The following ADAM23 variants were observed in gnomAD, a reference collection of about 807,000 sequenced individuals.
ADAM23 encodes the protein disintegrin and metalloproteinase domain-containing protein 23.
A neutral mutation model predicts 120.1 loss-of-function variants in ADAM23; 33 were observed. The observed-to-expected ratio is 0.27, with a 90% CI of 0.21 to 0.37. The LOEUF (loss-of-function observed/expected upper bound fraction) is 0.37. Ranked by LOEUF, ADAM23 falls within the 10% of genes least tolerant of loss-of-function variation. The pLI is 1.00. For synonymous variants in ADAM23, 367 were observed against 375.2 expected (o/e 0.98, Z 0.25); for missense variants, 862 against 1,058.2 (o/e 0.81, Z 2.57).
chr2:206,592,354 G>T (rs954938024), intron 21 of ADAM23, among the ~76,000 whole-genome samples: 1 of 152,126 alleles, frequency 6.6e-6, no homozygotes, highest in African/African-American at 2.4e-5. Context: ...AGTGGGCGTC[G>T]AGAATGGGAG....
Position 206,615,644 on chromosome 2 carries a change from T to C in ADAM23, c.2451-1935T>C, listed in dbSNP as rs138913519. Among the ~76,000 whole-genome samples, 776 of 152,298 alleles carry C rather than the reference T, an allele frequency of 5.1e-3. 4 individuals are homozygous for C. Among genetic ancestry groups the C allele is most frequent in the Non-Finnish European group, 8.3e-3 (563 of 68,020 alleles). On this transcript the variant is annotated intron_variant, in intron 25 of 25. Coordinates refer to ENST00000264377, the MANE Select transcript of ADAM23 (RefSeq NM_003812.4). ...AGAGCTAAGGTCCTGGAATGCCCCA[T>C]TGGTGTTCAGAGTCCATTTTCATCC...
chr2:206,563,798 C>T lies in ADAM23; in HGVS notation c.1346-1222C>T, dbSNP rs1326929779. ...AGGCTGGAGTGCAGTGGCACGATCTCGGCTCACTGCAACCTCCACCTCCTG... is the reference window on the plus strand; with the variant it reads ...AGGCTGGAGTGCAGTGGCACGATCTTGGCTCACTGCAACCTCCACCTCCTG... On this transcript the variant is annotated intron_variant, in intron 13 of 25. Coordinates refer to ENST00000264377, the MANE Select transcript of ADAM23 (RefSeq NM_003812.4). Among the ~76,000 whole-genome samples the T allele has an allele frequency of 3.3e-5, 5 of 151,038 alleles. No homozygotes were observed. The South Asian group carries it at 6.3e-4, about 19-fold the overall frequency.
intron 2 of ADAM23, among the ~76,000 whole-genome samples, chr2:206,454,177 A>T (rs1695248996): frequency 6.6e-6 from 1 of 152,212 alleles, no homozygotes; most frequent in Non-Finnish European, 1.5e-5. Flanking sequence ...TAATTAACAC[A>T]TAGTTCCACA....
intron 8 of ADAM23, among the ~76,000 whole-genome samples, chr2:206,548,828 C>T (rs1014246122): frequency 1.3e-5 from 2 of 152,090 alleles, no homozygotes; most frequent in East Asian, 1.9e-4. Context: ...AACTTTAAAG[C>T]TGTATGTGTT....
chr2:206,500,003 G>C (rs1696354619), intron 3 of ADAM23, among the ~76,000 whole-genome samples: 1 of 152,030 alleles, frequency 6.6e-6, no homozygotes, highest in South Asian at 2.1e-4. Flanking sequence ...CTTGTTTTGA[G>C]TTTATCTCTC....
At chr2:206,462,865 G>A (rs140088650) in intron 2 of ADAM23, among the ~76,000 whole-genome samples, 285 of 152,204 alleles carry the variant, frequency 1.9e-3, no homozygotes, top group Middle Eastern at 3.4e-3. Flanking sequence ...CCACTGATGG[G>A]TTTTAAACAA....
At chr2:206,448,225 G>A (rs966235356) in intron 2 of ADAM23, among the ~76,000 whole-genome samples, 6 of 152,174 alleles carry the variant, frequency 3.9e-5, no homozygotes, top group Non-Finnish European at 7.4e-5. Context: ...TCTAGAGCAG[G>A]CAGGGAGTTT....
intron 25 of ADAM23, among the ~76,000 whole-genome samples, chr2:206,610,568 G>A (rs1024666825): frequency 1.3e-5 from 2 of 152,184 alleles, no homozygotes; most frequent in African/African-American, 4.8e-5. Flanking sequence ...TTTGAAAAAT[G>A]TGGCTTTGTG....
At chr2:206,459,579 G>A (rs1332965762) in intron 2 of ADAM23, among the ~76,000 whole-genome samples, 4 of 152,090 alleles carry the variant, frequency 2.6e-5, no homozygotes, top group Admixed American at 1.3e-4. Context: ...TGATGTAATC[G>A]TTTGAGAATC....
At chr2:206,460,868 A>G (rs952093807) in intron 2 of ADAM23, among the ~76,000 whole-genome samples, 4 of 152,086 alleles carry the variant, frequency 2.6e-5, no homozygotes, top group Non-Finnish European at 5.9e-5. Context: ...TAGTCACTTT[A>G]GCTCTTATGT....
At chr2:206,592,854 AT>A (rs1698451663) in intron 22 of ADAM23, 118 bp downstream of exon 22, 1 of 1,277,558 alleles carries the variant, frequency 7.8e-7, no homozygotes, top group African/African-American at 1.5e-5. Context: ...AGGAAAGTTA[AT>A]TTAGATTTTA....
chr2:206,569,999 T>C (rs929782211), intron 15 of ADAM23, among the ~76,000 whole-genome samples: 1 of 152,068 alleles, frequency 6.6e-6, no homozygotes, highest in African/African-American at 2.4e-5. Flanking sequence ...CCTGCCCCCC[T>C]CCCCACTGCC....
intron 3 of ADAM23, among the ~76,000 whole-genome samples, chr2:206,518,417 C>A (rs1218947418): frequency 6.6e-6 from 1 of 152,118 alleles, no homozygotes; most frequent in South Asian, 2.1e-4. Flanking sequence ...CATCAATTGT[C>A]ATCAAATTTG....
intron 9 of ADAM23, among the ~76,000 whole-genome samples, chr2:206,552,800 T>C (rs73054249): frequency 0.034 from 5,234 of 151,922 alleles, 287 homozygotes; most frequent in African/African-American, 0.12. Flanking sequence ...TAGCTGGGAC[T>C]ATAGGTGCAT....
chr2:206,467,557 G>A (rs1489661228), intron 2 of ADAM23, among the ~76,000 whole-genome samples: 1 of 152,204 alleles, frequency 6.6e-6, no homozygotes, highest in Non-Finnish European at 1.5e-5. Context: ...CTGTGGCTTT[G>A]CAGAGTTCAG....
At chr2:206,579,285 T>C (rs1698177295) in intron 18 of ADAM23, among the ~76,000 whole-genome samples, 1 of 152,210 alleles carries the variant, frequency 6.6e-6, no homozygotes, top group Non-Finnish European at 1.5e-5. Flanking sequence ...CCTTTTGGGT[T>C]CTTGGTCATG....
intron 3 of ADAM23, among the ~76,000 whole-genome samples, chr2:206,503,443 G>T (rs1479256567): frequency 6.6e-6 from 1 of 152,096 alleles, no homozygotes; most frequent in Non-Finnish European, 1.5e-5. Context: ...AAGGTAGAGG[G>T]TCAGTCAATG....
At chr2:206,554,475 G>A (rs1264681010) in intron 9 of ADAM23, among the ~76,000 whole-genome samples, 2 of 152,074 alleles carry the variant, frequency 1.3e-5, no homozygotes, top group African/African-American at 2.4e-5. Flanking sequence ...TTAACTATGC[G>A]TCAATAAATG....
At chr2:206,449,112 G>C (rs1255749902) in intron 2 of ADAM23, among the ~76,000 whole-genome samples, 1 of 152,146 alleles carries the variant, frequency 6.6e-6, no homozygotes, top group Middle Eastern at 3.2e-3. Context: ...GGTATGTGAT[G>C]GAGAATCTGC....
Sources: allele counts gnomAD v4.1 joint callset (sites outside exome capture counted in the v4.1 genomes callset), GRCh38; gene constraint gnomAD v4.1.1; transcripts MANE v1.5; gene names NCBI Gene and HGNC (gene_info 2026-07-23, HGNC 2026-07-21).